The following SLC24A3 variants were observed in gnomAD, a reference collection of about 807,000 sequenced individuals.
SLC24A3 encodes the protein solute carrier family 24 member 3.
A neutral mutation model predicts 75.8 loss-of-function variants in SLC24A3; 28 were observed. That is an observed-to-expected ratio of 0.37 (90% CI 0.27 to 0.51). SLC24A3 has a LOEUF of 0.51. SLC24A3 is among the 20% of genes least tolerant of loss of function. SLC24A3 has a pLI of 0.94. For missense variants in SLC24A3, 663 were observed against 847.8 expected (o/e 0.78, Z 2.71); for synonymous variants, 372 against 334.1 (o/e 1.11, Z -1.24).
At chr20:19,289,119 C>T (rs936153997) in intron 2 of SLC24A3, among the ~76,000 whole-genome samples, 1 of 152,096 alleles carries the variant, frequency 6.6e-6, no homozygotes, top group Non-Finnish European at 1.5e-5. Context: ...GTGCCTGTGC[C>T]ATATTGCATA....
At chr20:19,502,240 G>T (rs1988395096) in intron 2 of SLC24A3, among the ~76,000 whole-genome samples, 1 of 152,074 alleles carries the variant, frequency 6.6e-6, no homozygotes, top group Admixed American at 6.6e-5. Context: ...AAAATTGGGG[G>T]AAATCTCAGA....
At chr20:19,636,675 G>A (rs1273464594) in intron 6 of SLC24A3, among the ~76,000 whole-genome samples, 1 of 152,050 alleles carries the variant, frequency 6.6e-6, no homozygotes, top group African/African-American at 2.4e-5. Context: ...CTGTTTGGAG[G>A]AATTTGGGCA....
chr20:19,440,645 G>GTTTT (rs11469517), intron 2 of SLC24A3, among the ~76,000 whole-genome samples: 1 of 131,396 alleles, frequency 7.6e-6, no homozygotes. Context: ...AGGCCTCACT[G>GTTTT]TTTTTTTTTT....
chr20:19,410,387 T>G (rs1986721804), intron 2 of SLC24A3, among the ~76,000 whole-genome samples: 1 of 152,218 alleles, frequency 6.6e-6, no homozygotes, highest in Admixed American at 6.5e-5. Flanking sequence ...CTCATTGTCA[T>G]GCATCTCAGG....
chr20:19,505,712 C>T (rs545236455), intron 2 of SLC24A3, among the ~76,000 whole-genome samples: 3 of 152,310 alleles, frequency 2.0e-5, no homozygotes, highest in African/African-American at 7.2e-5. Context: ...TATACACCCA[C>T]CTTTCATCAG....
At position 19,721,382 on chromosome 20, in the gene SLC24A3, G is replaced by A. The variant is rs1236400974; in HGVS notation, c.*242G>A. 14 of 453,014 alleles carry A rather than the reference G, an allele frequency of 3.1e-5. No homozygotes were observed. Among genetic ancestry groups the A allele is most frequent in the Middle Eastern group, 5.6e-4 (1 of 1,792 alleles). 28.1% of individuals were successfully genotyped at this position (453,014 alleles called of 1,614,324 possible). On this transcript the variant is annotated 3_prime_UTR_variant, in exon 17 of 17. Transcript: ENST00000328041. ...CCGTGTGAAGACATCCAACATCCACGTGACTTTTCCAGCTCCATTTTTGAA... is the reference window on the plus strand; with the variant it reads ...CCGTGTGAAGACATCCAACATCCACATGACTTTTCCAGCTCCATTTTTGAA...
chr20:19,442,402 T>C (rs1397226458), intron 2 of SLC24A3, among the ~76,000 whole-genome samples: 2 of 152,202 alleles, frequency 1.3e-5, no homozygotes, highest in Non-Finnish European at 2.9e-5. Context: ...TTTTGGCCAC[T>C]CTAATAGGTG....
chr20:19,534,345 C>T (rs149059958), intron 3 of SLC24A3, among the ~76,000 whole-genome samples: 10 of 152,346 alleles, frequency 6.6e-5, no homozygotes, highest in Non-Finnish European at 1.0e-4. Flanking sequence ...GAGAGGCAAT[C>T]CTCAATCTCT....
intron 3 of SLC24A3, among the ~76,000 whole-genome samples, chr20:19,551,491 C>T (rs978592687): frequency 2.0e-5 from 3 of 152,190 alleles, no homozygotes; most frequent in African/African-American, 7.2e-5. Flanking sequence ...ATGACTCCCG[C>T]CTCCCCATCC....
intron 3 of SLC24A3, among the ~76,000 whole-genome samples, chr20:19,573,387 T>C (rs991677274): frequency 1.8e-4 from 27 of 152,336 alleles, no homozygotes; most frequent in African/African-American, 2.9e-4. Context: ...CCTGATGAGA[T>C]AGTAATTATT....
At chr20:19,392,335 T>A (rs1008280425) in intron 2 of SLC24A3, among the ~76,000 whole-genome samples, 2 of 152,186 alleles carry the variant, frequency 1.3e-5, no homozygotes, top group Admixed American at 1.3e-4. Flanking sequence ...CTGCCTCAAA[T>A]GCCTCAAAGC....
intron 3 of SLC24A3, among the ~76,000 whole-genome samples, chr20:19,561,018 C>T (rs2030866876): frequency 6.6e-6 from 1 of 152,168 alleles, no homozygotes; most frequent in African/African-American, 2.4e-5. Context: ...TGTCTCCAGA[C>T]TATCTCACTG....
chr20:19,332,183 T>C (rs921109291), intron 2 of SLC24A3, among the ~76,000 whole-genome samples: 1 of 152,194 alleles, frequency 6.6e-6, no homozygotes, highest in African/African-American at 2.4e-5. Context: ...GTTGGAAGAA[T>C]GAAGTGACAT....
intron 13 of SLC24A3, chr20:19,694,222 A>G (rs1568700813): frequency 1.3e-5 from 2 of 152,214 alleles, no homozygotes; most frequent in African/African-American, 4.8e-5. Flanking sequence ...ATTTATGGCT[A>G]TACTTTTTAA....
At chr20:19,584,939 C>T in intron 4 of SLC24A3, 32 bp from the exon 5 acceptor site, 2 of 1,590,794 alleles carry the variant, frequency 1.3e-6, no homozygotes, top group Non-Finnish European at 1.7e-6. Context: ...GGAATCCCAA[C>T]TCACCTGTGC....
chr20:19,427,892 C>T (rs981962343), intron 2 of SLC24A3, among the ~76,000 whole-genome samples: 2 of 152,198 alleles, frequency 1.3e-5, no homozygotes, highest in African/African-American at 4.8e-5. Flanking sequence ...TATTCATGCA[C>T]AACTTTAATA....
chr20:19,228,346 GA>G (rs1293537188), intron 1 of SLC24A3, among the ~76,000 whole-genome samples: 3 of 151,950 alleles, frequency 2.0e-5, no homozygotes, highest in Non-Finnish European at 4.4e-5. Context: ...TTCTATATTA[GA>G]AAAAAATCAG....
chr20:19,443,168 T>C (rs1228934553), intron 2 of SLC24A3, among the ~76,000 whole-genome samples: 1 of 152,190 alleles, frequency 6.6e-6, no homozygotes, highest in Admixed American at 6.5e-5. Flanking sequence ...TTCTGGGTCT[T>C]TTGCCTTACT....
rs551972113 is a variant in SLC24A3 at position 19,623,816 on chromosome 20, G to A, written c.613-30246G>A. Among the ~76,000 whole-genome samples, 5 of 152,294 alleles carry A rather than the reference G, an allele frequency of 3.3e-5. No homozygotes were observed. In the South Asian group the frequency reaches 1.0e-3, roughly 32 times the overall value. On this transcript the variant is annotated intron_variant, in intron 6 of 16. Coordinates refer to ENST00000328041, the MANE Select transcript of SLC24A3 (RefSeq NM_020689.4). The stretch of plus-strand genomic sequence containing the variant: ...TATGAGCGAAACATCTGTGGATGAA[G>A]AGCAAATATGTGTCCCTAGGAAGAA...
Sources: gnomAD v4.1 joint callset for allele counts (sites outside exome capture counted in the v4.1 genomes callset) on GRCh38, gnomAD v4.1.1 for gene constraint, MANE v1.5 for transcripts, NCBI Gene and HGNC (gene_info 2026-07-23, HGNC 2026-07-21) for gene names.